The following CDC42BPA variants were observed in gnomAD, a reference collection of about 807,000 sequenced individuals.
The protein encoded by CDC42BPA is serine/threonine-protein kinase MRCK alpha.
Under a neutral mutation model 223.5 loss-of-function variants are expected in CDC42BPA, and 80 were observed. The ratio of observed to expected loss-of-function variants is 0.36; its 90% CI spans 0.30 to 0.43. The LOEUF (loss-of-function observed/expected upper bound fraction) is 0.43. Ranked by LOEUF, CDC42BPA falls within the 20% of genes least tolerant of loss-of-function variation. The pLI is 1.00. For missense variants in CDC42BPA, 1,743 were observed against 2,099.9 expected (o/e 0.83, Z 3.32); for synonymous variants, 694 against 718.6 (o/e 0.97, Z 0.55).
At chr1:227,121,100 G>T (rs1231535876) in intron 11 of CDC42BPA, among the ~76,000 whole-genome samples, 3 of 152,142 alleles carry the variant, frequency 2.0e-5, no homozygotes, top group African/African-American at 4.8e-5. Flanking sequence ...CAGTCTGCTG[G>T]TACCAGTTTG....
chr1:227,272,069 A>C (rs1235367012), intron 1 of CDC42BPA, among the ~76,000 whole-genome samples: 1 of 152,196 alleles, frequency 6.6e-6, no homozygotes, highest in Non-Finnish European at 1.5e-5. Context: ...TGAAAAGCAA[A>C]GTTTGGCCAC....
At chr1:227,014,121 T>A (rs12118022) in intron 34 of CDC42BPA, among the ~76,000 whole-genome samples, 16,662 of 151,858 alleles carry the variant, frequency 0.11, 1,159 homozygotes, top group Non-Finnish European at 0.14. Flanking sequence ...TTTAAGCAAA[T>A]GTTCCTAATG....
At chr1:227,060,039 T>TG (rs1027243270) in intron 21 of CDC42BPA, among the ~76,000 whole-genome samples, 14 of 143,492 alleles carry the variant, frequency 9.8e-5, no homozygotes, top group Non-Finnish European at 1.4e-4. Context: ...TGTTTTTTTT[T>TG]TTTTTTTTTG....
intron 2 of CDC42BPA, among the ~76,000 whole-genome samples, chr1:227,237,684 T>C (rs1382123400): frequency 6.6e-6 from 1 of 152,208 alleles, no homozygotes; most frequent in Non-Finnish European, 1.5e-5. Context: ...ATGTAAGAGT[T>C]TTAACTTGTT....
chr1:227,032,674 G>A (rs1278037046), intron 27 of CDC42BPA, among the ~76,000 whole-genome samples: 4 of 152,174 alleles, frequency 2.6e-5, no homozygotes, highest in Non-Finnish European at 2.9e-5. Flanking sequence ...GGGCCTGGCA[G>A]CTTATTTTGC....
intron 5 of CDC42BPA, 116 bp downstream of exon 5, chr1:227,193,670 T>A: frequency 1.2e-6 from 1 of 835,466 alleles, no homozygotes; most frequent in Non-Finnish European, 1.8e-6. Context: ...ATAATTTTTT[T>A]TGGTTGACGA....
In CDC42BPA at chr1:227,168,497, G is replaced by GTTTT. The variant is rs1292387936; in HGVS notation, c.600-7865_600-7862dup. ...CTTTTTCATATTTATCTTCCCTGGTGTTTTTTTTTTTTTTTTGAGGCAGAG... is the reference window on the plus strand; with the variant it reads ...CTTTTTCATATTTATCTTCCCTGGTGTTTTTTTTTTTTTTTTTTTTGAGGCAGAG... On this transcript the variant is annotated intron_variant, in intron 5 of 36. Coordinates refer to ENST00000366766, the MANE Select transcript of CDC42BPA (RefSeq NM_001394014.1). 1.2e-4 allele frequency among the ~76,000 whole-genome samples: 10 copies of GTTTT among 80,212 alleles called. 1 individual carries two copies. Among genetic ancestry groups the GTTTT allele is most frequent in the South Asian group, 4.5e-4 (1 of 2,230 alleles). 52.6% of individuals were successfully genotyped at this position (80,212 alleles called of 152,430 possible). A position where few individuals can be genotyped will look rare whatever the true frequency, so the allele number is the denominator to read the frequency against.
At chr1:227,230,780 C>T (rs1345810407) in intron 2 of CDC42BPA, among the ~76,000 whole-genome samples, 1 of 150,192 alleles carries the variant, frequency 6.7e-6, no homozygotes, top group African/African-American at 2.4e-5. Context: ...TCTTCCTGTC[C>T]AATCCTGCTA....
At chr1:227,222,316 C>T (rs1172688874) in intron 2 of CDC42BPA, among the ~76,000 whole-genome samples, 1 of 152,042 alleles carries the variant, frequency 6.6e-6, no homozygotes, top group Non-Finnish European at 1.5e-5. Flanking sequence ...TGAGACCAGC[C>T]TGGCCAACTT....
chr1:227,111,207 G>T lies in CDC42BPA; in HGVS notation c.2001+1105C>A, dbSNP rs182279552. On this transcript the variant is annotated intron_variant, in intron 14 of 36. Coordinates refer to ENST00000366766, the MANE Select transcript of CDC42BPA (RefSeq NM_001394014.1). ...CACTAGACTAAGCATGGTCCTAAAA[G>T]AAGTAGGTGAAATGGGGGCTGACAG... is the stretch of plus-strand genomic sequence containing the variant. Among the ~76,000 whole-genome samples the T allele has an allele frequency of 8.5e-5, 13 of 152,298 alleles. No homozygotes were observed. The East Asian group carries it at 2.3e-3, about 27-fold the overall frequency.
At chr1:227,297,822 CT>C (rs1268962018) in intron 1 of CDC42BPA, among the ~76,000 whole-genome samples, 1 of 151,444 alleles carries the variant, frequency 6.6e-6, no homozygotes, top group Non-Finnish European at 1.5e-5. Context: ...GGATACAGAG[CT>C]TCTGCTTGAG....
chr1:227,263,533 C>T (rs1422721410), intron 1 of CDC42BPA, among the ~76,000 whole-genome samples: 3 of 152,118 alleles, frequency 2.0e-5, no homozygotes, highest in Admixed American at 6.5e-5. Flanking sequence ...TTCTTTTATG[C>T]CCACTATACA....
chr1:227,192,523 G>T (rs1449815651), intron 5 of CDC42BPA, among the ~76,000 whole-genome samples: 1 of 152,118 alleles, frequency 6.6e-6, no homozygotes, highest in Non-Finnish European at 1.5e-5. Flanking sequence ...TTCTAACTTG[G>T]CAGTATCCCT....
rs1222488945 is a variant in CDC42BPA at position 227,307,218 on chromosome 1, AC to A, written c.178+9786del. 5.9e-5 allele frequency among the ~76,000 whole-genome samples: 9 copies of A among 152,158 alleles called. No homozygotes were observed. In the East Asian group the frequency reaches 1.5e-3, roughly 26 times the overall value. On this transcript the variant is annotated intron_variant, in intron 1 of 36. Coordinates refer to ENST00000366766, the MANE Select transcript of CDC42BPA (RefSeq NM_001394014.1). ...GTCCTTTCTTTGTAAAGATATATACACCCCATGCAAAACTCCACACCAACTT... is the reference window on the plus strand; with the variant it reads ...GTCCTTTCTTTGTAAAGATATATACACCCATGCAAAACTCCACACCAACTT...
At chr1:227,301,150 A>G (rs77064566) in intron 1 of CDC42BPA, among the ~76,000 whole-genome samples, 3,169 of 152,322 alleles carry the variant, frequency 0.021, 124 homozygotes, top group African/African-American at 0.072. Context: ...CTCCTAAGAC[A>G]AAGACTATAA....
At chr1:227,066,399 A>C (rs12733181) in intron 21 of CDC42BPA, among the ~76,000 whole-genome samples, 3 of 138,934 alleles carry the variant, frequency 2.2e-5, no homozygotes, top group African/African-American at 8.4e-5. Flanking sequence ...AAAAAAAAAA[A>C]CAAAAACAAA....
At chr1:227,101,950 C>T (rs1314783253) in intron 14 of CDC42BPA, among the ~76,000 whole-genome samples, 2 of 152,126 alleles carry the variant, frequency 1.3e-5, no homozygotes, top group African/African-American at 2.4e-5. Context: ...TAAACAGAAA[C>T]ATACAGACTA....
chr1:227,127,347 T>C (rs1297140550), intron 11 of CDC42BPA, among the ~76,000 whole-genome samples: 1 of 152,182 alleles, frequency 6.6e-6, no homozygotes, highest in African/African-American at 2.4e-5. Flanking sequence ...TTTTAGTGAA[T>C]GACATAACAA....
intron 1 of CDC42BPA, among the ~76,000 whole-genome samples, chr1:227,272,233 T>TA (rs1572768619): frequency 6.6e-6 from 1 of 152,146 alleles, no homozygotes; most frequent in East Asian, 1.9e-4. Context: ...CTACTGCTCT[T>TA]AAAGTGTGTT....
Sources: allele counts gnomAD v4.1 joint callset (sites outside exome capture counted in the v4.1 genomes callset), GRCh38; gene constraint gnomAD v4.1.1; transcripts MANE v1.5; gene names NCBI Gene and HGNC (gene_info 2026-07-23, HGNC 2026-07-21).